Variants in TMEM167A observed in about 807,000 individuals in gnomAD.
TMEM167A encodes transmembrane protein 167A.
In TMEM167A, 8 loss-of-function variants were observed where a neutral mutation model predicts 11.6. The ratio of observed to expected loss-of-function variants is 0.69; its 90% confidence interval spans 0.40 to 1.24. The LOEUF is 1.24. Ranked by LOEUF, TMEM167A falls within the 50% of genes most tolerant of loss-of-function variation. The pLI, the probability that TMEM167A is intolerant of heterozygous loss-of-function variation, is 0.01. For synonymous variants in TMEM167A, 22 were observed against 28.0 expected, an observed-to-expected ratio of 0.79 and a Z score of 0.67; for missense variants, 62 against 87.0, an observed-to-expected ratio of 0.71 and a Z score of 1.14.
chr5:83,071,435 T>C (rs750888547), intron 1 of TMEM167A: 9 of 152,200 alleles, frequency 5.9e-5, no homozygotes, highest in Admixed American at 3.3e-4. Flanking sequence ...CCTGACCTAA[T>C]TGTGATCAAA....
At chr5:83,075,578 C>G (rs760761920) in intron 1 of TMEM167A, among the ~76,000 whole-genome samples, 7 of 152,108 alleles carry the variant, frequency 4.6e-5, no homozygotes, top group Non-Finnish European at 4.4e-5. Context: ...AACCTCGTCT[C>G]TACTAAAAAT....
chr5:83,064,858 T>G, intron 2 of TMEM167A, 150 bp downstream of exon 2: 2 of 565,078 alleles, frequency 3.5e-6, no homozygotes, highest in East Asian at 6.3e-5. Context: ...GAATATAAAG[T>G]TTTTGAATTT....
intron 1 of TMEM167A, among the ~76,000 whole-genome samples, chr5:83,076,834 A>G (rs979854121): frequency 1.3e-5 from 2 of 152,210 alleles, no homozygotes; most frequent in Non-Finnish European, 2.9e-5. Flanking sequence ...AGCATTTTCA[A>G]AGTTAAGAGA....
At chr5:83,057,868 G>A (rs758857780) in intron 3 of TMEM167A, among the ~76,000 whole-genome samples, 1 of 151,906 alleles carries the variant, frequency 6.6e-6, no homozygotes, top group Non-Finnish European at 1.5e-5. Flanking sequence ...GAATTGTCTC[G>A]CAAACAGATA....
At chr5:83,070,251 G>C (rs964791707) in intron 1 of TMEM167A, among the ~76,000 whole-genome samples, 1 of 152,118 alleles carries the variant, frequency 6.6e-6, no homozygotes, top group African/African-American at 2.4e-5. Flanking sequence ...TGAGTACGCA[G>C]GTTCTGTAAG....
Position 83,062,151 on chromosome 5 carries a change from T to C in TMEM167A, c.114-240A>G, listed in dbSNP as rs192175427. 8.9e-4 allele frequency among the ~76,000 whole-genome samples: 136 copies of C among 152,270 alleles called. No homozygotes were observed. The Middle Eastern group carries it at 0.014, about 15-fold the overall frequency. On this transcript the variant is annotated intron_variant, in intron 2 of 3. Transcript: ENST00000502346. ...ATGAAATGGAATATAAATAGTGTCATAGGTCAAATCCAGGGCAAATTAGTG... is the reference window on the plus strand; with the variant it reads ...ATGAAATGGAATATAAATAGTGTCACAGGTCAAATCCAGGGCAAATTAGTG...
Position 83,068,743 on chromosome 5 carries a change from T to G in TMEM167A, c.4-3626A>C, listed in dbSNP as rs183423263. On this transcript the variant is annotated intron_variant, in intron 1 of 3. Coordinates refer to ENST00000502346, the MANE Select transcript of TMEM167A (RefSeq NM_174909.5). ...TAAGCAAAAGATTCCTACAGTAAAA[T>G]GGTTGGAAAACAAATCTTCAAAGTA... Among the ~76,000 whole-genome samples the G allele has an allele frequency of 4.6e-5, 7 of 152,252 alleles. No homozygotes were observed. In the East Asian group the frequency reaches 1.4e-3, roughly 29 times the overall value.
At chr5:83,062,062 G>A in intron 2 of TMEM167A, 151 bp from the exon 3 acceptor site, 1 of 611,058 alleles carries the variant, frequency 1.6e-6, no homozygotes, top group South Asian at 2.1e-5. Context: ...TTGATGTTGA[G>A]CCACCATTCA....
chr5:83,061,093 C>T (rs542439255), intron 3 of TMEM167A, among the ~76,000 whole-genome samples: 22 of 152,142 alleles, frequency 1.4e-4, no homozygotes, highest in Admixed American at 1.0e-3. Context: ...TACTTTAACT[C>T]GAGTCAAACA....
chr5:83,076,599 A>G (rs1039326486), intron 1 of TMEM167A, among the ~76,000 whole-genome samples: 1 of 152,228 alleles, frequency 6.6e-6, no homozygotes, highest in African/African-American at 2.4e-5. Flanking sequence ...ATAATTTTTC[A>G]CCATGGAGAC....
chr5:83,063,448 C>A (rs570525038), intron 2 of TMEM167A, among the ~76,000 whole-genome samples: 1 of 152,090 alleles, frequency 6.6e-6, no homozygotes, highest in Non-Finnish European at 1.5e-5. Context: ...ATTTGCAAAG[C>A]CATGGCTCCT....
At position 83,054,809 on chromosome 5, in the gene TMEM167A, C is replaced by T. The variant is rs1042240344; in HGVS notation, c.*2275G>A. 2.0e-5 allele frequency: 3 copies of T among 151,868 alleles called. No homozygotes were observed. Among genetic ancestry groups the T allele is most frequent in the Non-Finnish European group, 4.4e-5 (3 of 67,890 alleles). The allele number at this position is 151,868 out of a possible 1,614,324, so 9.4% of individuals were successfully genotyped here. ...GACATGAGTTTACCTATATAACAAC[C>T]TGCACATGTACCCCTGAACCTAAAA... On this transcript the variant is annotated 3_prime_UTR_variant, in exon 4 of 4. Coordinates refer to ENST00000502346, the MANE Select transcript of TMEM167A (RefSeq NM_174909.5).
In TMEM167A at chr5:83,055,038, T is replaced by G. The variant is rs1744308459; in HGVS notation, c.*2046A>C. The G allele has an allele frequency of 6.6e-6, 1 of 152,004 alleles. No homozygotes were observed. Among genetic ancestry groups the G allele is most frequent in the African/African-American group, 2.4e-5 (1 of 41,418 alleles). The allele number at this position is 152,004 out of a possible 1,614,324, so 9.4% of individuals were successfully genotyped here. ...ACATTAAAGAAAATGTTAATTGCTT[T>G]TATTCATACTGTGTCTCTCCCTGAC... On this transcript the variant is annotated 3_prime_UTR_variant, in exon 4 of 4. Coordinates refer to ENST00000502346, the MANE Select transcript of TMEM167A (RefSeq NM_174909.5).
intron 2 of TMEM167A, among the ~76,000 whole-genome samples, chr5:83,062,292 T>G (rs967482621): frequency 6.6e-6 from 1 of 152,184 alleles, no homozygotes; most frequent in African/African-American, 2.4e-5. Context: ...TAAATGAACA[T>G]TTTTTGGTTG....
chr5:83,068,729 T>C (rs1744519217), intron 1 of TMEM167A, among the ~76,000 whole-genome samples: 1 of 152,168 alleles, frequency 6.6e-6, no homozygotes, highest in Admixed American at 6.6e-5. Flanking sequence ...AAGCAAAAGA[T>C]TCCTACAGTA....
In TMEM167A at chr5:83,054,992, G is replaced by A. The variant is rs1744307822; in HGVS notation, c.*2092C>T. 1 of 151,958 alleles carries A rather than the reference G, an allele frequency of 6.6e-6. No individual in the cohort carries two copies. Among genetic ancestry groups the A allele is most frequent in the South Asian group, 2.1e-4 (1 of 4,828 alleles). The allele number at this position is 151,958 out of a possible 1,614,324, so 9.4% of individuals were successfully genotyped here. A position where few individuals can be genotyped will look rare whatever the true frequency, so the allele number is the denominator to read the frequency against. ...CCCTTGGGTTAGAGAACAGGATTCC[G>A]TGGTCCTCTTTGAAAAATATACATT... On this transcript the variant is annotated 3_prime_UTR_variant, in exon 4 of 4. Coordinates refer to ENST00000502346, the MANE Select transcript of TMEM167A (RefSeq NM_174909.5).
Position 83,056,559 on chromosome 5 carries a change from A to T in TMEM167A, c.*525T>A, listed in dbSNP as rs1744335010. Reference sequence around the variant, plus strand: ...GTTTTAAATATTTTAAATACTTGTCATAAACTAGAGTTTGCTAAGAGTAGA... The same window carrying T: ...GTTTTAAATATTTTAAATACTTGTCTTAAACTAGAGTTTGCTAAGAGTAGA... On this transcript the variant is annotated 3_prime_UTR_variant, in exon 4 of 4. Transcript: ENST00000502346. The T allele has an allele frequency of 6.5e-6, 1 of 154,514 alleles. No homozygotes were observed. The highest frequency in any genetic ancestry group is 6.6e-5 in the Admixed American group (1 of 15,264). The allele number at this position is 154,514 out of a possible 1,614,324, so 9.6% of individuals were successfully genotyped here.
rs987235500 is a variant in TMEM167A at position 83,054,180 on chromosome 5, G to C, written c.*2904C>G. 1 of 151,978 alleles carries C rather than the reference G, an allele frequency of 6.6e-6. No homozygotes were observed. Among genetic ancestry groups the C allele is most frequent in the African/African-American group, 2.4e-5 (1 of 41,396 alleles). The allele number at this position is 151,978 out of a possible 1,614,324, so 9.4% of individuals were successfully genotyped here. ...GTTACTATCATCCCCTGGTATGAAAGAGCGATTTTGAACCTGAACATATAA... is the reference window on the plus strand; with the variant it reads ...GTTACTATCATCCCCTGGTATGAAACAGCGATTTTGAACCTGAACATATAA... On this transcript the variant is annotated 3_prime_UTR_variant, in exon 4 of 4. Coordinates refer to ENST00000502346, the MANE Select transcript of TMEM167A (RefSeq NM_174909.5).
chr5:83,069,354 A>G (rs546094790), intron 1 of TMEM167A, among the ~76,000 whole-genome samples: 28 of 152,236 alleles, frequency 1.8e-4, no homozygotes, highest in African/African-American at 6.3e-4. Flanking sequence ...AATAATTGCA[A>G]TTTTCAACAG....
Sources: gnomAD v4.1 joint callset for allele counts (sites outside exome capture counted in the v4.1 genomes callset) on GRCh38, gnomAD v4.1.1 for gene constraint, MANE v1.5 for transcripts, NCBI Gene and HGNC (gene_info 2026-07-23, HGNC 2026-07-21) for gene names.